The following TTC39B variants were observed in gnomAD, a reference collection of about 807,000 sequenced individuals.
TTC39B encodes tetratricopeptide repeat protein 39B.
In TTC39B, 92 loss-of-function variants were observed where a neutral mutation model predicts 96.6. That is an observed-to-expected ratio of 0.95 (90% CI 0.80 to 1.13). The LOEUF (loss-of-function observed/expected upper bound fraction) is 1.13, where lower values mean the gene tolerates loss of function less well. TTC39B is among the 50% of genes most tolerant of loss of function. The pLI, the probability that TTC39B is intolerant of heterozygous loss-of-function variation, is 0.00. For missense variants in TTC39B, 955 were observed against 809.3 expected (o/e 1.18, Z -2.18); for synonymous variants, 367 against 299.4 (o/e 1.23, Z -2.33).
At chr9:15,237,388 G>A (rs1175673726) in intron 2 of TTC39B, among the ~76,000 whole-genome samples, 1 of 151,940 alleles carries the variant, frequency 6.6e-6, no homozygotes, top group African/African-American at 2.4e-5. Flanking sequence ...CCATTAGCTA[G>A]ACTAACCAAG....
intron 4 of TTC39B, among the ~76,000 whole-genome samples, chr9:15,212,228 T>G (rs1054368340): frequency 1.3e-5 from 2 of 152,186 alleles, no homozygotes; most frequent in Non-Finnish European, 2.9e-5. Flanking sequence ...TCCATGGAAA[T>G]AGTCTAAACA....
At chr9:15,259,765 C>T (rs1315586165) in intron 2 of TTC39B, among the ~76,000 whole-genome samples, 2 of 152,122 alleles carry the variant, frequency 1.3e-5, no homozygotes, top group Non-Finnish European at 2.9e-5. Flanking sequence ...CAGGAGGTAA[C>T]CCCATCATGA....
intron 10 of TTC39B, 57 bp from the exon 11 acceptor site, chr9:15,190,719 A>G (rs928751133): frequency 7.0e-5 from 96 of 1,373,768 alleles, no homozygotes; most frequent in Non-Finnish European, 7.0e-5. Context: ...TCATATTCAG[A>G]AACTTTTTAA....
chr9:15,204,277 C>G (rs1277026708), intron 6 of TTC39B, among the ~76,000 whole-genome samples: 1 of 152,044 alleles, frequency 6.6e-6, no homozygotes, highest in Non-Finnish European at 1.5e-5. Context: ...GCCTGTAATC[C>G]CAGCACTTTG....
chr9:15,302,869 T>G (rs1420051969), intron 1 of TTC39B, among the ~76,000 whole-genome samples: 1 of 146,090 alleles, frequency 6.8e-6, no homozygotes, highest in African/African-American at 2.5e-5. Flanking sequence ...AAAAAATGTT[T>G]AAAAAGCTAT....
intron 1 of TTC39B, among the ~76,000 whole-genome samples, chr9:15,291,251 G>T (rs750304078): frequency 6.6e-6 from 1 of 152,216 alleles, no homozygotes; most frequent in Non-Finnish European, 1.5e-5. Context: ...CTGTGGGAGG[G>T]ACCCAGTGGG....
chr9:15,259,064 C>T (rs72700660), intron 2 of TTC39B, among the ~76,000 whole-genome samples: 8,082 of 152,142 alleles, frequency 0.053, 245 homozygotes, highest in East Asian at 0.07. Flanking sequence ...CCAGTGGTAA[C>T]AGAAACAAGG....
chr9:15,254,561 G>A (rs1272242955), intron 2 of TTC39B, among the ~76,000 whole-genome samples: 3 of 152,004 alleles, frequency 2.0e-5, no homozygotes, highest in East Asian at 1.9e-4. Context: ...GGGATTGTCT[G>A]AAAAGGTATC....
intron 18 of TTC39B, among the ~76,000 whole-genome samples, 172 bp downstream of exon 18, chr9:15,177,525 C>A (rs1818006460): frequency 6.6e-6 from 1 of 152,030 alleles, no homozygotes; most frequent in Non-Finnish European, 1.5e-5. Flanking sequence ...CCACCCAGAC[C>A]ATAATTTTGT....
At chr9:15,192,810 C>A in intron 8 of TTC39B, 115 bp from the exon 9 acceptor site, 1 of 697,296 alleles carries the variant, frequency 1.4e-6, no homozygotes, top group Admixed American at 2.7e-5. Flanking sequence ...AAAATACCAT[C>A]AAAATTTTAA....
intron 18 of TTC39B, among the ~76,000 whole-genome samples, chr9:15,175,812 T>C (rs1281279713): frequency 6.6e-6 from 1 of 152,144 alleles, no homozygotes; most frequent in Non-Finnish European, 1.5e-5. Context: ...CTAATATCCA[T>C]GCAGGAGATG....
At chr9:15,247,434 C>T (rs1052502700) in intron 2 of TTC39B, among the ~76,000 whole-genome samples, 3 of 152,082 alleles carry the variant, frequency 2.0e-5, no homozygotes, top group African/African-American at 7.2e-5. Flanking sequence ...TACTCCCTAC[C>T]CTCAATTTTC....
intron 1 of TTC39B, among the ~76,000 whole-genome samples, chr9:15,276,673 G>C: frequency 6.6e-6 from 1 of 152,106 alleles, no homozygotes; most frequent in East Asian, 1.9e-4. Context: ...GTGTAGTAGA[G>C]CGGAAAGCAT....
At chr9:15,230,606 ATT>A (rs1267705840) in intron 2 of TTC39B, among the ~76,000 whole-genome samples, 1 of 152,240 alleles carries the variant, frequency 6.6e-6, no homozygotes, top group East Asian at 1.9e-4. Context: ...GCTATACCAC[ATT>A]TTGTTAGTCA....
intron 2 of TTC39B, among the ~76,000 whole-genome samples, chr9:15,236,299 A>T (rs1215689628): frequency 6.6e-6 from 1 of 152,228 alleles, no homozygotes; most frequent in Non-Finnish European, 1.5e-5. Context: ...TGCAACCAAT[A>T]CTGGGGCACC....
At chr9:15,211,279 G>C (rs1293690160) in exon 5 of TTC39B, 1 of 1,559,882 alleles carries the variant, frequency 6.4e-7, no homozygotes, top group Admixed American at 2.0e-5. Context: ...TGGCAGGTTT[G>C]TAAAGCGTCC....
At chr9:15,272,669 C>A (rs1041833714) in intron 1 of TTC39B, among the ~76,000 whole-genome samples, 1 of 152,212 alleles carries the variant, frequency 6.6e-6, no homozygotes, top group Non-Finnish European at 1.5e-5. Flanking sequence ...AAGAGCCTAT[C>A]TTGACTCTCT....
At chr9:15,288,297 G>T (rs10961958) in intron 1 of TTC39B, among the ~76,000 whole-genome samples, 30,151 of 152,036 alleles carry the variant, frequency 0.2, 3,913 homozygotes, top group African/African-American at 0.36. Context: ...GGCATTCCTG[G>T]TTTTGCACCC....
intron 1 of TTC39B, among the ~76,000 whole-genome samples, chr9:15,277,319 T>C (rs1042127854): frequency 6.6e-6 from 1 of 152,118 alleles, no homozygotes; most frequent in East Asian, 1.9e-4. Context: ...TCCCAGCTAC[T>C]TGGGAGGCTG....
Sources: gnomAD v4.1 joint callset for allele counts (sites outside exome capture counted in the v4.1 genomes callset) on GRCh38, gnomAD v4.1.1 for gene constraint, MANE v1.5 for transcripts, NCBI Gene and HGNC (gene_info 2026-07-23, HGNC 2026-07-21) for gene names.